Variants in FBXO15 observed in about 807,000 individuals in gnomAD.
FBXO15 encodes F-box protein 15, also known as F-box only protein 15.
FBXO15 carries 30 observed loss-of-function variants against 49.5 expected under a neutral mutation model. That is an observed-to-expected ratio of 0.61 (90% confidence interval 0.45 to 0.82). The LOEUF is 0.82. Ranked by LOEUF, FBXO15 falls within the 40% of genes least tolerant of loss-of-function variation. FBXO15 has a pLI of 0.00. For missense variants in FBXO15, 591 were observed against 631.5 expected, an observed-to-expected ratio of 0.94 and a Z score of 0.69; for synonymous variants, 250 against 232.7, an observed-to-expected ratio of 1.07 and a Z score of -0.68.
intron 9 of FBXO15, among the ~76,000 whole-genome samples, chr18:74,078,290 G>A (rs995362811): frequency 2.0e-5 from 3 of 152,030 alleles, no homozygotes; most frequent in Admixed American, 1.3e-4. Context: ...AACATCCACA[G>A]ATACACCAAA....
intron 8 of FBXO15, among the ~76,000 whole-genome samples, chr18:74,092,469 A>G (rs1037456948): frequency 8.5e-5 from 13 of 152,160 alleles, no homozygotes; most frequent in African/African-American, 3.1e-4. Context: ...GAGTTGCCAG[A>G]GTTCTTGCAA....
intron 2 of FBXO15, 136 bp from the exon 3 acceptor site, chr18:74,136,002 T>G (rs1465647113): frequency 1.2e-5 from 7 of 606,572 alleles, no homozygotes; most frequent in Non-Finnish European, 2.0e-5. Context: ...AGAGGCAAAC[T>G]GTACCCTCAT....
chr18:74,147,600 G>C, intron 1 of FBXO15, 70 bp downstream of exon 1: 1 of 1,342,726 alleles, frequency 7.4e-7, no homozygotes, highest in Non-Finnish European at 9.5e-7. Flanking sequence ...AAAATACACG[G>C]TGAAGAGAGC....
intron 8 of FBXO15, among the ~76,000 whole-genome samples, chr18:74,088,496 A>G (rs572601547): frequency 1.8e-4 from 28 of 152,284 alleles, no homozygotes; most frequent in African/African-American, 6.3e-4. Context: ...TCTTTGTTGA[A>G]GATCAGATGG....
intron 6 of FBXO15, 78 bp downstream of exon 6, chr18:74,125,897 G>A: frequency 6.5e-7 from 1 of 1,543,194 alleles, no homozygotes; most frequent in Admixed American, 1.8e-5. Context: ...TTTTACATTT[G>A]AAGTCATACA....
chr18:74,136,044 G>A (rs1256186409), intron 2 of FBXO15, among the ~76,000 whole-genome samples, 178 bp from the exon 3 acceptor site: 1 of 152,156 alleles, frequency 6.6e-6, no homozygotes, highest in African/African-American at 2.4e-5. Context: ...AAACGTTCTG[G>A]TTATTCTAAT....
intron 2 of FBXO15, 138 bp from the exon 3 acceptor site, chr18:74,136,004 T>C: frequency 3.3e-6 from 2 of 600,730 alleles, no homozygotes; most frequent in Non-Finnish European, 5.8e-6. Context: ...AGGCAAACTG[T>C]ACCCTCATCT....
In FBXO15 at chr18:74,073,633, G is replaced by C. The variant is rs1277591969; in HGVS notation, c.1361C>G (p.Ser454Cys). 1.2e-6 allele frequency: 2 copies of C among 1,614,224 alleles called. No individual in the cohort carries two copies. Among genetic ancestry groups the C allele is most frequent in the Admixed American group, 3.3e-5 (2 of 60,032 alleles). ...PVCLRSPATP[S>C]DSSSFLGQTY... ...CTGTCCCAAGAAGCTAGAGCTGTCA[G>C]AGGGTGTGGCAGGCGATCTCAGGCA... is the stretch of plus-strand genomic sequence containing the variant. Residue 454 changes from serine (S) to cysteine (C), a missense_variant, in exon 10 of 10, where the codon TCT becomes TGT. Coordinates refer to ENST00000419743, the MANE Select transcript of FBXO15 (RefSeq NM_001142958.2).
At chr18:74,140,631 T>C in intron 1 of FBXO15, 1 of 254,204 alleles carries the variant, frequency 3.9e-6, no homozygotes. Context: ...AGTGAGACCT[T>C]GATGGTAAGG....
chr18:74,097,816 G>A lies in FBXO15; in HGVS notation c.1139-15765C>T, dbSNP rs1175248597. 28 of 152,226 alleles carry A rather than the reference G, an allele frequency of 1.8e-4. 1 individual carries two copies. Among genetic ancestry groups the A allele is most frequent in the Admixed American group, 1.8e-3 (28 of 15,274 alleles). The allele number at this position is 152,226 out of a possible 1,614,324, so 9.4% of individuals were successfully genotyped here. A position where few individuals can be genotyped will look rare whatever the true frequency, so the allele number is the denominator to read the frequency against. On this transcript the variant is annotated intron_variant, in intron 8 of 9. Transcript: ENST00000419743. ...CAGGAGGCCAACTAGCACAAAAATA[G>A]TGCAATAAACAAAATTACAACTAAG...
intron 8 of FBXO15, among the ~76,000 whole-genome samples, chr18:74,107,969 G>A (rs564435367): frequency 3.9e-5 from 6 of 152,204 alleles, no homozygotes; most frequent in Admixed American, 3.9e-4. Context: ...TAAAGCGGGG[G>A]ACTGAGAAGC....
At chr18:74,086,800 CATA>C (rs1022103052) in intron 8 of FBXO15, among the ~76,000 whole-genome samples, 1 of 152,104 alleles carries the variant, frequency 6.6e-6, no homozygotes, top group Non-Finnish European at 1.5e-5. Flanking sequence ...AATATGGAAA[CATA>C]ATAAGAATTT....
rs1014474025 is a variant in FBXO15 at position 74,075,936 on chromosome 18, C to T, written c.1264-2206G>A. 1.4e-4 allele frequency among the ~76,000 whole-genome samples: 21 copies of T among 152,218 alleles called. No individual in the cohort carries two copies. The highest frequency in any genetic ancestry group is 9.8e-4 in the Admixed American group (15 of 15,282). On this transcript the variant is annotated intron_variant, in intron 9 of 9. Coordinates refer to ENST00000419743, the MANE Select transcript of FBXO15 (RefSeq NM_001142958.2). This position sits in a 1 kb window ranked among gnomAD's most constrained non-coding sequence, Gnocchi z 4.1. Reference sequence around the variant, plus strand: ...CCCAAAAGTTTATCTCCAGGCCGAACTTCTTTTCTAAGTTCAAGACCTAAA... The same window carrying T: ...CCCAAAAGTTTATCTCCAGGCCGAATTTCTTTTCTAAGTTCAAGACCTAAA...
chr18:74,124,398 C>T (rs1473166397), intron 7 of FBXO15, 91 bp downstream of exon 7: 3 of 1,003,922 alleles, frequency 3.0e-6, no homozygotes, highest in Non-Finnish European at 4.6e-6. Flanking sequence ...AATATCTCTG[C>T]AGCTATTCTC....
chr18:74,132,381 G>GATACT (rs1462893383), intron 3 of FBXO15, among the ~76,000 whole-genome samples: 1 of 152,160 alleles, frequency 6.6e-6, no homozygotes, highest in African/African-American at 2.4e-5. Flanking sequence ...AACAACCTCT[G>GATACT]ATACTATTTT....
At chr18:74,124,017 G>A (rs1271242493) in intron 7 of FBXO15, among the ~76,000 whole-genome samples, 1 of 151,894 alleles carries the variant, frequency 6.6e-6, no homozygotes, top group Non-Finnish European at 1.5e-5. Context: ...GAGTAAGGGA[G>A]TCTAAGTCCA....
At chr18:74,079,756 C>T (rs1912409284) in intron 9 of FBXO15, among the ~76,000 whole-genome samples, 1 of 152,134 alleles carries the variant, frequency 6.6e-6, no homozygotes, top group African/African-American at 2.4e-5. Flanking sequence ...ACCTCCACAC[C>T]AGTAAGTGTT....
At position 74,083,521 on chromosome 18, in the gene FBXO15, C is replaced by G. The variant is rs571307512; in HGVS notation, c.1139-1470G>C. On this transcript the variant is annotated intron_variant, in intron 8 of 9. Coordinates refer to ENST00000419743, the MANE Select transcript of FBXO15 (RefSeq NM_001142958.2). ...AAAGGCAGGCAGCCGACGGCGCCTA[C>G]AGAAAACCAGGAGCTCATCTTCCAC... is the stretch of plus-strand genomic sequence containing the variant. 3.3e-5 allele frequency among the ~76,000 whole-genome samples: 5 copies of G among 152,336 alleles called. No homozygotes were observed. In the South Asian group the frequency reaches 1.0e-3, roughly 32 times the overall value.
At position 74,118,143 on chromosome 18, in the gene FBXO15, G is replaced by A. The variant is rs537022130; in HGVS notation, c.1138+5225C>T. Among the ~76,000 whole-genome samples, 42 of 151,964 alleles carry A rather than the reference G, an allele frequency of 2.8e-4. No individual in the cohort carries two copies. In the South Asian group the frequency reaches 8.1e-3, roughly 29 times the overall value. On this transcript the variant is annotated intron_variant, in intron 8 of 9. Coordinates refer to ENST00000419743, the MANE Select transcript of FBXO15 (RefSeq NM_001142958.2). ...CTCTCAAGTAGCTGAGACTACAGGT[G>A]CATGTAATCATGCCCAGCTAATTTT...
Sources: allele counts gnomAD v4.1 joint callset (sites outside exome capture counted in the v4.1 genomes callset), GRCh38; gene constraint gnomAD v4.1.1; non-coding constraint Gnocchi (gnomAD v3.1); transcripts MANE v1.5; gene names NCBI Gene and HGNC (gene_info 2026-07-23, HGNC 2026-07-21).